Variants in HIPK2 observed in about 807,000 individuals in gnomAD.
HIPK2 encodes the protein homeodomain interacting protein kinase 2.
In HIPK2, 27 loss-of-function variants were observed where a neutral mutation model predicts 113.7. The ratio of observed to expected loss-of-function variants is 0.24; its 90% CI spans 0.17 to 0.33. The LOEUF (loss-of-function observed/expected upper bound fraction) is 0.33, where lower values mean the gene tolerates loss of function less well. Among genes scored for constraint, HIPK2 ranks in the 10% least tolerant of loss-of-function variants. The probability of loss-of-function intolerance (pLI) is 1.00; values close to 1 mark genes in which losing one functional copy is unlikely to be tolerated. For synonymous variants in HIPK2, 631 were observed against 642.2 expected (o/e 0.98, Z 0.26); for missense variants, 1,257 against 1,588.0 (o/e 0.79, Z 3.54).
chr7:139,748,390 T>A (rs1796226338), intron 1 of HIPK2, among the ~76,000 whole-genome samples: 1 of 152,120 alleles, frequency 6.6e-6, no homozygotes, highest in Non-Finnish European at 1.5e-5. Context: ...CTGGGGGGCA[T>A]AATCAACACA....
In HIPK2 at chr7:139,709,270, T is replaced by A. The variant is rs140787275; in HGVS notation, c.1103+6662A>T. 2.4e-4 allele frequency among the ~76,000 whole-genome samples: 37 copies of A among 152,312 alleles called. No individual in the cohort carries two copies. The East Asian group carries it at 6.9e-3, about 29-fold the overall frequency. Reference sequence around the variant, plus strand: ...CAAACTAGAACCTTCTCCTGTTGTTTCTATTAGTAAAAGACAAATTAATTT... The same window carrying A: ...CAAACTAGAACCTTCTCCTGTTGTTACTATTAGTAAAAGACAAATTAATTT... On this transcript the variant is annotated intron_variant, in intron 2 of 14. Transcript: ENST00000406875.
intron 2 of HIPK2, among the ~76,000 whole-genome samples, chr7:139,704,523 C>T (rs1001900061): frequency 3.2e-4 from 48 of 151,554 alleles, no homozygotes; most frequent in Non-Finnish European, 5.7e-4. Flanking sequence ...CACACCCCAA[C>T]ACACCCCCAC....
chr7:139,693,514 T>G (rs993896792), intron 2 of HIPK2, among the ~76,000 whole-genome samples: 1 of 152,156 alleles, frequency 6.6e-6, no homozygotes, highest in East Asian at 1.9e-4. Flanking sequence ...GCAGCACTAC[T>G]TCTAGCCTTG....
intron 2 of HIPK2, among the ~76,000 whole-genome samples, chr7:139,632,446 T>C (rs550460765): frequency 7.9e-5 from 12 of 152,348 alleles, no homozygotes; most frequent in South Asian, 4.1e-4. Flanking sequence ...TAAGGAAACA[T>C]TGCTATTTTT....
In HIPK2 at chr7:139,564,049, AGCTGCCCCTCTGTCTCTGCCT is replaced by A. The variant is rs1798023513; in HGVS notation, c.*8857_*8877del. The A allele has an allele frequency of 2.5e-6, 1 of 397,906 alleles. No homozygotes were observed. The highest frequency in any genetic ancestry group is 2.1e-5 in the African/African-American group (1 of 48,616). 24.6% of individuals were successfully genotyped at this position (397,906 alleles called of 1,614,324 possible). On this transcript the variant is annotated 3_prime_UTR_variant, in exon 15 of 15. Coordinates refer to ENST00000406875, the MANE Select transcript of HIPK2 (RefSeq NM_022740.5). ...GAGTGGGTCTCAATGGACCAGGCTG[AGCTGCCCCTCTGTCTCTGCCT>A]CCTCCTGCTCAGCCCTGACCATCTC...
chr7:139,754,813 A>C (rs1796338578), intron 1 of HIPK2, among the ~76,000 whole-genome samples: 1 of 152,166 alleles, frequency 6.6e-6, no homozygotes, highest in African/African-American at 2.4e-5. Context: ...CGATGATGGA[A>C]TTCGAAAGCT....
intron 2 of HIPK2, among the ~76,000 whole-genome samples, chr7:139,641,690 C>T (rs960863718): frequency 1.3e-5 from 2 of 152,146 alleles, no homozygotes; most frequent in Non-Finnish European, 2.9e-5. Context: ...CTTATGGCAT[C>T]GGCGGCAACA....
At chr7:139,724,472 A>T (rs897534599) in intron 1 of HIPK2, among the ~76,000 whole-genome samples, 1 of 152,176 alleles carries the variant, frequency 6.6e-6, no homozygotes, top group African/African-American at 2.4e-5. Flanking sequence ...AATGTTAAAT[A>T]TATAGTATAT....
intron 2 of HIPK2, among the ~76,000 whole-genome samples, chr7:139,635,425 A>C (rs1021516721): frequency 3.3e-5 from 5 of 152,152 alleles, no homozygotes; most frequent in African/African-American, 1.2e-4. Context: ...TCCAGTTTCC[A>C]TTCCCCAGTG....
At chr7:139,693,057 C>G (rs112625775) in intron 2 of HIPK2, among the ~76,000 whole-genome samples, 229 of 148,620 alleles carry the variant, frequency 1.5e-3, no homozygotes, top group Non-Finnish European at 2.7e-3. Flanking sequence ...TTCCTAACCC[C>G]AAGAGGAACA....
Position 139,626,672 on chromosome 7 carries a change from G to C in HIPK2, c.1548C>G (p.Ile516Met). 1 of 1,613,968 alleles carries C rather than the reference G, an allele frequency of 6.2e-7. No homozygotes were observed. Among genetic ancestry groups the C allele is most frequent in the Non-Finnish European group, 8.5e-7 (1 of 1,179,886 alleles). ...KMLTIDADKR[I>M]TPIETLNHPF... ...GATGGTTCAGGGTTTCGATTGGAGT[G>C]ATTCTCTTGTCAGCATCAATGGTCA... is the stretch of plus-strand genomic sequence containing the variant. Residue 516 changes from isoleucine (I) to methionine (M), a missense_variant, in exon 6 of 15, where the codon ATC becomes ATG. By Grantham distance (10) the Ile-to-Met change is conservative. Coordinates refer to ENST00000406875, the MANE Select transcript of HIPK2 (RefSeq NM_022740.5).
At chr7:139,705,383 T>G (rs567574056) in intron 2 of HIPK2, among the ~76,000 whole-genome samples, 2 of 142,724 alleles carry the variant, frequency 1.4e-5, no homozygotes, top group Admixed American at 1.4e-4. Context: ...AGTTTCCCCC[T>G]TTTTTTTTTT....
chr7:139,601,277 A>T (rs1280635793), intron 10 of HIPK2, among the ~76,000 whole-genome samples: 3 of 152,152 alleles, frequency 2.0e-5, no homozygotes, highest in Admixed American at 6.5e-5. Flanking sequence ...TAATTTTATA[A>T]AAAAAATTTT....
chr7:139,626,101 TCTTTC>T (rs1490245019), intron 6 of HIPK2, among the ~76,000 whole-genome samples: 6 of 145,688 alleles, frequency 4.1e-5, no homozygotes, highest in African/African-American at 1.7e-4. Flanking sequence ...TTTCTTTTTT[TCTTTC>T]CTTTTTTTTT....
chr7:139,671,987 T>C (rs59090223), intron 2 of HIPK2, among the ~76,000 whole-genome samples: 1,672 of 152,352 alleles, frequency 0.011, 31 homozygotes, highest in African/African-American at 0.038. Context: ...CTTATACCTC[T>C]GGTTTAAAAA....
At chr7:139,768,976 G>A (rs139934078) in intron 1 of HIPK2, among the ~76,000 whole-genome samples, 126 of 152,256 alleles carry the variant, frequency 8.3e-4, no homozygotes, top group African/African-American at 3.0e-3. Flanking sequence ...GAATAATAAC[G>A]CATGAAGACC....
intron 1 of HIPK2, among the ~76,000 whole-genome samples, chr7:139,756,237 A>G (rs1796360769): frequency 6.6e-6 from 1 of 152,242 alleles, no homozygotes; most frequent in African/African-American, 2.4e-5. Context: ...GTCTCCTGCA[A>G]ACACACACGA....
intron 9 of HIPK2, among the ~76,000 whole-genome samples, chr7:139,611,938 C>A (rs985789092): frequency 6.6e-5 from 10 of 152,106 alleles, no homozygotes; most frequent in African/African-American, 2.4e-4. Context: ...AATATAAATT[C>A]AATGTATATC....
rs573388648 is a variant in HIPK2 at position 139,570,453 on chromosome 7, G to T, written c.*2474C>A. 6.6e-6 allele frequency: 1 copy of T among 152,230 alleles called. No individual in the cohort carries two copies. Among genetic ancestry groups the T allele is most frequent in the Admixed American group, 6.5e-5 (1 of 15,286 alleles). The allele number at this position is 152,230 out of a possible 1,614,324, so 9.4% of individuals were successfully genotyped here. On this transcript the variant is annotated 3_prime_UTR_variant, in exon 15 of 15. Transcript: ENST00000406875. ...ATCTCCTTGCTGCAGGCCTCTTGCC[G>T]GCACAGCCTCCAGCAGGCACTTGGC...
Sources: allele counts gnomAD v4.1 joint callset (sites outside exome capture counted in the v4.1 genomes callset), GRCh38; gene constraint gnomAD v4.1.1; transcripts MANE v1.5; gene names NCBI Gene and HGNC (gene_info 2026-07-23, HGNC 2026-07-21).